The following GLCCI1 variants were observed in gnomAD, a reference collection of about 807,000 sequenced individuals.
GLCCI1 encodes glucocorticoid-induced transcript 1 protein.
In GLCCI1, 24 loss-of-function variants were observed where a neutral mutation model predicts 52.2. That is an observed-to-expected ratio of 0.46 (90% CI 0.33 to 0.65). GLCCI1 has a LOEUF of 0.65. Ranked by LOEUF, GLCCI1 falls within the 30% of genes least tolerant of loss-of-function variation. GLCCI1 has a pLI of 0.02. For synonymous variants in GLCCI1, 310 were observed against 276.5 expected (o/e 1.12, Z -1.20); for missense variants, 704 against 701.5 (o/e 1.00, Z -0.04).
At chr7:8,075,827 T>A (rs1782864367) in intron 6 of GLCCI1, among the ~76,000 whole-genome samples, 1 of 152,220 alleles carries the variant, frequency 6.6e-6, no homozygotes. Context: ...TAAGCTATAT[T>A]TTCCTGAAGG....
At chr7:8,047,038 A>G (rs17142349) in intron 3 of GLCCI1, among the ~76,000 whole-genome samples, 9,559 of 152,246 alleles carry the variant, frequency 0.063, 394 homozygotes, top group East Asian at 0.19. Flanking sequence ...AGTATAGCAT[A>G]AAGGAACTGT....
intron 2 of GLCCI1, among the ~76,000 whole-genome samples, chr7:8,015,579 A>G (rs1781361416): frequency 6.6e-6 from 1 of 152,162 alleles, no homozygotes; most frequent in South Asian, 2.1e-4. Flanking sequence ...TCATCTAATT[A>G]TGAGACAGAG....
Position 8,003,930 on chromosome 7 carries a change from A to G in GLCCI1, c.480A>G (p.Gln160=). ...TAGCGGACAAGGCAAAATCTCAGCA[A>G]GTTCGGACCTCTAGTACAATAAGGC... The part of the protein sequence containing the change: ...VCRADKAKSQ[Q]VRTSSTIRRT... The change falls in exon 2 of 8, where the codon CAA becomes CAG. Residue 160 remains glutamine, a synonymous_variant. Transcript: ENST00000223145. The G allele has an allele frequency of 6.2e-7, 1 of 1,612,424 alleles. No homozygotes were observed. Among genetic ancestry groups the G allele is most frequent in the Non-Finnish European group, 8.5e-7 (1 of 1,179,186 alleles).
At chr7:7,982,380 A>AT (rs1780640576) in intron 1 of GLCCI1, among the ~76,000 whole-genome samples, 1 of 152,150 alleles carries the variant, frequency 6.6e-6, no homozygotes, top group Non-Finnish European at 1.5e-5. Context: ...TACTGATTAT[A>AT]TAGGGCACTG....
chr7:8,017,316 T>C (rs183629574), intron 2 of GLCCI1, among the ~76,000 whole-genome samples: 87 of 152,326 alleles, frequency 5.7e-4, no homozygotes, highest in Non-Finnish European at 8.8e-5. Flanking sequence ...AACAATAACA[T>C]GTTCAAAGCT....
intron 1 of GLCCI1, among the ~76,000 whole-genome samples, chr7:7,973,421 T>G (rs1174723234): frequency 6.6e-6 from 1 of 151,468 alleles, no homozygotes; most frequent in Non-Finnish European, 1.5e-5. Context: ...TGCGTGTGTG[T>G]GTGTGTGTGT....
intron 5 of GLCCI1, among the ~76,000 whole-genome samples, chr7:8,065,249 G>A (rs142469880): frequency 2.8e-4 from 42 of 152,240 alleles, no homozygotes; most frequent in African/African-American, 9.9e-4. Context: ...ATTTTTGTAT[G>A]TTTTGTTTCT....
intron 6 of GLCCI1, among the ~76,000 whole-genome samples, chr7:8,075,206 ACT>A (rs1246194029): frequency 1.3e-5 from 2 of 152,136 alleles, no homozygotes; most frequent in African/African-American, 4.8e-5. Flanking sequence ...GGACAAAAAC[ACT>A]CTGTCAAGAA....
intron 3 of GLCCI1, among the ~76,000 whole-genome samples, chr7:8,033,236 G>T (rs184299089): frequency 1.3e-4 from 20 of 151,652 alleles, no homozygotes; most frequent in Non-Finnish European, 2.7e-4. Flanking sequence ...TCAACAAACT[G>T]GGAACAGAAG....
At chr7:8,048,327 G>C (rs1363855867) in intron 3 of GLCCI1, among the ~76,000 whole-genome samples, 1 of 151,858 alleles carries the variant, frequency 6.6e-6, no homozygotes, top group Non-Finnish European at 1.5e-5. Flanking sequence ...CTTCTTGGTG[G>C]CCCTCTTAAG....
At chr7:8,039,792 T>A (rs1319284840) in intron 3 of GLCCI1, among the ~76,000 whole-genome samples, 1 of 151,756 alleles carries the variant, frequency 6.6e-6, no homozygotes, top group East Asian at 1.9e-4. Flanking sequence ...AGGTCAGAGG[T>A]TTGAGACCAG....
Position 8,088,898 on chromosome 7 carries a change from T to G in GLCCI1, c.*2360T>G, listed in dbSNP as rs1197837121. 1 of 152,690 alleles carries G rather than the reference T, an allele frequency of 6.5e-6. No homozygotes were observed. The highest frequency in any genetic ancestry group is 1.5e-5 in the Non-Finnish European group (1 of 68,052). 9.5% of individuals were successfully genotyped at this position (152,690 alleles called of 1,614,324 possible). ...TATCCTACATCCAGCTGTAGAAATT[T>G]GTCAGAAATTGTTTAAATTTTGTAT... is the stretch of plus-strand genomic sequence containing the variant. On this transcript the variant is annotated 3_prime_UTR_variant, in exon 8 of 8. Transcript: ENST00000223145.
At position 7,968,910 on chromosome 7, in the gene GLCCI1, C is replaced by G. The variant is rs960157251; in HGVS notation, c.-441C>G. 2.6e-5 allele frequency: 4 copies of G among 154,710 alleles called. No individual in the cohort carries two copies. The highest frequency in any genetic ancestry group is 9.7e-5 in the African/African-American group (4 of 41,418). 9.6% of individuals were successfully genotyped at this position (154,710 alleles called of 1,614,324 possible). ...CGAGGCCCTTTCTCTCTACCCTGGT[C>G]CCCAGAAGCAGGGGTCCCGGCCCTC... On this transcript the variant is annotated 5_prime_UTR_variant, in exon 1 of 8. Coordinates refer to ENST00000223145, the MANE Select transcript of GLCCI1 (RefSeq NM_138426.4).
chr7:7,995,234 A>G (rs1183053810), intron 1 of GLCCI1, among the ~76,000 whole-genome samples: 1 of 152,152 alleles, frequency 6.6e-6, no homozygotes, highest in Admixed American at 6.5e-5. Context: ...TTAATTATCA[A>G]GGTGTTTGAC....
chr7:8,038,903 C>G (rs2127953987), intron 3 of GLCCI1, among the ~76,000 whole-genome samples: 1 of 151,838 alleles, frequency 6.6e-6, no homozygotes, highest in Non-Finnish European at 1.5e-5. Context: ...GGAAGTCAAA[C>G]AATGCAACAA....
chr7:7,993,804 A>G (rs1780890864), intron 1 of GLCCI1, among the ~76,000 whole-genome samples: 1 of 152,224 alleles, frequency 6.6e-6, no homozygotes, highest in African/African-American at 2.4e-5. Flanking sequence ...AAAAAAGAAA[A>G]TATTTTAAGT....
chr7:8,065,174 G>A (rs1425088187), intron 5 of GLCCI1, among the ~76,000 whole-genome samples: 2 of 152,240 alleles, frequency 1.3e-5, no homozygotes, highest in East Asian at 1.9e-4. Flanking sequence ...AAGCTATTGT[G>A]AATGTGATTG....
intron 2 of GLCCI1, chr7:8,004,330 A>T: frequency 4.0e-6 from 1 of 253,068 alleles, no homozygotes; most frequent in Non-Finnish European, 7.4e-6. Context: ...TTGCTTTCCA[A>T]TACAAATTAA....
Position 7,969,133 on chromosome 7 carries a change from T to G in GLCCI1, c.-218T>G. Reference sequence around the variant, plus strand: ...AGCCCAGCCGGGCGGTTGCGGCCGTTGGACGTTTGTTTTCGCAGCCTTCCC... The same window carrying G: ...AGCCCAGCCGGGCGGTTGCGGCCGTGGGACGTTTGTTTTCGCAGCCTTCCC... On this transcript the variant is annotated 5_prime_UTR_variant, in exon 1 of 8. Transcript: ENST00000223145. This position sits in a 1 kb window ranked among gnomAD's most constrained non-coding sequence, Gnocchi z 4.9. The G allele has an allele frequency of 3.2e-6, 1 of 313,006 alleles. No individual in the cohort carries two copies. Among genetic ancestry groups the G allele is most frequent in the Non-Finnish European group, 5.1e-6 (1 of 196,980 alleles). 19.4% of individuals were successfully genotyped at this position (313,006 alleles called of 1,614,324 possible).
Sources: allele counts gnomAD v4.1 joint callset (sites outside exome capture counted in the v4.1 genomes callset), GRCh38; gene constraint gnomAD v4.1.1; non-coding constraint Gnocchi (gnomAD v3.1); transcripts MANE v1.5; gene names NCBI Gene and HGNC (gene_info 2026-07-23, HGNC 2026-07-21).